The following KANK1 variants were observed in gnomAD, a reference collection of about 807,000 sequenced individuals.
The protein encoded by KANK1 is KN motif and ankyrin repeat domain-containing protein 1.
A neutral mutation model predicts 106.2 loss-of-function variants in KANK1; 109 were observed. The ratio of observed to expected loss-of-function variants is 1.03; its 90% confidence interval spans 0.88 to 1.20. The LOEUF (loss-of-function observed/expected upper bound fraction) is 1.20. KANK1 is among the 50% of genes most tolerant of loss of function. The pLI is 0.00. For synonymous variants in KANK1, 873 were observed against 652.2 expected (o/e 1.34, Z -5.16); for missense variants, 2,399 against 1,710.7 (o/e 1.40, Z -7.10).
At chr9:663,855 T>C (rs529397656) in intron 1 of KANK1, among the ~76,000 whole-genome samples, 15 of 152,266 alleles carry the variant, frequency 9.9e-5, no homozygotes, top group Non-Finnish European at 1.9e-4. Context: ...ACTTTCATGA[T>C]GTAGAATGGA....
intron 1 of KANK1, among the ~76,000 whole-genome samples, chr9:514,207 TCTCCCTCCCTCCCTTC>T (rs1412926099): frequency 4.0e-4 from 19 of 47,428 alleles, no homozygotes; most frequent in Admixed American, 5.4e-4. Flanking sequence ...TCCCTCCCTC[TCTCCCTCCCTCCCTTC>T]CTCCCTCCCT....
intron 1 of KANK1, among the ~76,000 whole-genome samples, chr9:528,700 C>A (rs1350889422): frequency 6.6e-6 from 1 of 151,948 alleles, no homozygotes; most frequent in Non-Finnish European, 1.5e-5. Context: ...GTTGGCCAGG[C>A]TGGTCTCAAA....
rs1835241039 is a variant in KANK1, at chr9:629,824, G to A, written c.-83-47066G>A. 2.0e-5 allele frequency among the ~76,000 whole-genome samples: 3 copies of A among 152,236 alleles called. No individual in the cohort carries two copies. The South Asian group carries it at 6.2e-4, about 31-fold the overall frequency. On this transcript the variant is annotated intron_variant, in intron 1 of 11. Transcript: ENST00000382297. ...ACCCCAATCAGTGATTCAGGGAGAGGACCATATTTTAAACAGCAGGCAATG... is the reference window on the plus strand; with the variant it reads ...ACCCCAATCAGTGATTCAGGGAGAGAACCATATTTTAAACAGCAGGCAATG...
Position 602,827 on chromosome 9 carries a change from CTTG to C in KANK1, c.-83-74060_-83-74058del, listed in dbSNP as rs146869831. On this transcript the variant is annotated intron_variant, in intron 1 of 11. Transcript: ENST00000382297. ...CGCTTTTAGTTCTTGCAAAATAGATCTTGTTTAGATGAGATTCCAGCATGACTC... is the reference window on the plus strand; with the variant it reads ...CGCTTTTAGTTCTTGCAAAATAGATCTTTAGATGAGATTCCAGCATGACTC... 8.6e-5 allele frequency among the ~76,000 whole-genome samples: 13 copies of C among 151,936 alleles called. No individual in the cohort carries two copies. The East Asian group carries it at 2.5e-3, about 29-fold the overall frequency.
intron 2 of KANK1, among the ~76,000 whole-genome samples, chr9:701,285 G>A (rs1273693098): frequency 6.6e-6 from 1 of 152,136 alleles, no homozygotes; most frequent in Non-Finnish European, 1.5e-5. Context: ...GGCTAATTTT[G>A]TATTTTTAGT....
rs533093446 is a variant in KANK1 at position 577,686 on chromosome 9, A to T, written c.-84+72932A>T. On this transcript the variant is annotated intron_variant, in intron 1 of 11. Coordinates refer to ENST00000382297, the MANE Select transcript of KANK1 (RefSeq NM_015158.5). ...TCACTTGGAAACTTGGTAGAAGTAC[A>T]CATTCTCAAGTTCCACCCCAAACCT... Among the ~76,000 whole-genome samples, 3 of 152,332 alleles carry T rather than the reference A, an allele frequency of 2.0e-5. No homozygotes were observed. The East Asian group carries it at 5.8e-4, about 29-fold the overall frequency.
intron 1 of KANK1, among the ~76,000 whole-genome samples, chr9:543,231 T>A (rs898614682): frequency 1.3e-5 from 2 of 152,104 alleles, no homozygotes; most frequent in African/African-American, 4.8e-5. Flanking sequence ...CCAACGTATT[T>A]ATTAATTTTT....
intron 2 of KANK1, among the ~76,000 whole-genome samples, chr9:679,097 A>G (rs147874250): frequency 3.3e-5 from 5 of 152,126 alleles, no homozygotes; most frequent in Admixed American, 6.5e-5. Context: ...CCTGCCTAAC[A>G]GGTCTGGGCA....
intron 1 of KANK1, among the ~76,000 whole-genome samples, chr9:535,192 G>C (rs1456881895): frequency 6.6e-6 from 1 of 152,184 alleles, no homozygotes; most frequent in Non-Finnish European, 1.5e-5. Flanking sequence ...GCCTAGGGCA[G>C]TTTTCCTCAG....
chr9:482,565 C>T (rs1291107028), intron 3 of KANK1, among the ~76,000 whole-genome samples: 1 of 152,178 alleles, frequency 6.6e-6, no homozygotes, highest in Non-Finnish European at 1.5e-5. Context: ...CAAAGTCATA[C>T]AACTAACGGG....
At chr9:662,539 T>G (rs1359739314) in intron 1 of KANK1, among the ~76,000 whole-genome samples, 2 of 42,868 alleles carry the variant, frequency 4.7e-5, no homozygotes, top group African/African-American at 2.3e-4. Context: ...TACAACCATC[T>G]GATCTTTGAC....
chr9:587,171 C>A (rs1156352927), intron 1 of KANK1, among the ~76,000 whole-genome samples: 2 of 152,114 alleles, frequency 1.3e-5, no homozygotes, highest in African/African-American at 2.4e-5. Flanking sequence ...TTATAACTAT[C>A]ATGAAGTTGT....
At chr9:542,156 G>C (rs1268617797) in intron 1 of KANK1, among the ~76,000 whole-genome samples, 2 of 111,508 alleles carry the variant, frequency 1.8e-5, no homozygotes, top group African/African-American at 5.3e-5. Flanking sequence ...ATGACCAACA[G>C]ATACATGAAA....
intron 1 of KANK1, among the ~76,000 whole-genome samples, chr9:555,990 T>A (rs552833286): frequency 6.6e-6 from 1 of 152,338 alleles, no homozygotes; most frequent in African/African-American, 2.4e-5. Flanking sequence ...TTCAGAGTTA[T>A]ACTTAAAATG....
At chr9:574,163 C>G (rs952633732) in intron 1 of KANK1, among the ~76,000 whole-genome samples, 1 of 152,214 alleles carries the variant, frequency 6.6e-6, no homozygotes, top group Non-Finnish European at 1.5e-5. Flanking sequence ...AAGCGCAGCT[C>G]GCACCCACTC....
chr9:588,023 A>G (rs1823930554), intron 1 of KANK1, among the ~76,000 whole-genome samples: 1 of 151,772 alleles, frequency 6.6e-6, no homozygotes, highest in South Asian at 2.1e-4. Flanking sequence ...CTGAGATTGC[A>G]CCATTGCACT....
chr9:534,252 G>C (rs2060195180), intron 1 of KANK1, among the ~76,000 whole-genome samples: 1 of 152,222 alleles, frequency 6.6e-6, no homozygotes, highest in Non-Finnish European at 1.5e-5. Flanking sequence ...CTTCCAGCTT[G>C]TGAATGTTGA....
At chr9:538,592 C>T (rs2060428289) in intron 1 of KANK1, among the ~76,000 whole-genome samples, 1 of 152,174 alleles carries the variant, frequency 6.6e-6, no homozygotes, top group African/African-American at 2.4e-5. Flanking sequence ...GCAGAGGTTC[C>T]TTCAAACAGG....
At chr9:663,674 C>G (rs1317430399) in intron 1 of KANK1, among the ~76,000 whole-genome samples, 5 of 152,234 alleles carry the variant, frequency 3.3e-5, no homozygotes, top group Admixed American at 2.6e-4. Context: ...TGGAAAGAAA[C>G]TCTGGAAGTG....
Sources: allele counts gnomAD v4.1 joint callset (sites outside exome capture counted in the v4.1 genomes callset), GRCh38; gene constraint gnomAD v4.1.1; transcripts MANE v1.5; gene names NCBI Gene and HGNC (gene_info 2026-07-23, HGNC 2026-07-21).